TBCK: variants seen among roughly 807,000 people sequenced by gnomAD.
TBCK encodes the protein TBC domain-containing protein kinase-like protein.
In TBCK, 99 loss-of-function variants were observed where a neutral mutation model predicts 113.4. The observed-to-expected ratio is 0.87, with a 90% CI of 0.74 to 1.03. The LOEUF (loss-of-function observed/expected upper bound fraction) is 1.03, where lower values mean the gene tolerates loss of function less well. Ranked by LOEUF, TBCK falls within the 50% of genes least tolerant of loss-of-function variation. The probability of loss-of-function intolerance (pLI) is 0.00; values close to 1 mark genes in which losing one functional copy is unlikely to be tolerated. For missense variants in TBCK, 1,045 were observed against 1,061.3 expected, an observed-to-expected ratio of 0.98 and a Z score of 0.21; for synonymous variants, 369 against 370.8, an observed-to-expected ratio of 1.00 and a Z score of 0.05.
intron 3 of TBCK, among the ~76,000 whole-genome samples, chr4:106,282,572 T>C (rs959016780): frequency 6.6e-6 from 1 of 152,294 alleles, no homozygotes; most frequent in East Asian, 1.9e-4. Flanking sequence ...GCTTTGGCTG[T>C]ATTCCACAGG....
At chr4:106,279,190 T>C (rs1370067811) in intron 3 of TBCK, among the ~76,000 whole-genome samples, 2 of 152,306 alleles carry the variant, frequency 1.3e-5, no homozygotes, top group East Asian at 3.9e-4. Flanking sequence ...CTGAGTCAAT[T>C]TACTGAAGTT....
At chr4:106,215,131 G>A (rs528866278) in intron 19 of TBCK, among the ~76,000 whole-genome samples, 1 of 151,480 alleles carries the variant, frequency 6.6e-6, no homozygotes, top group South Asian at 2.1e-4. Context: ...CATAAGTGAA[G>A]GAGAAATAAA....
At chr4:106,214,636 G>A (rs578140600) in intron 19 of TBCK, among the ~76,000 whole-genome samples, 4,400 of 152,212 alleles carry the variant, frequency 0.029, 100 homozygotes, top group Admixed American at 0.044. Context: ...TGAAATGAAT[G>A]AAATGAAGTG....
chr4:106,288,191 C>T lies in TBCK; in HGVS notation c.266+6903G>A, dbSNP rs112102713. On this transcript the variant is annotated intron_variant, in intron 3 of 25. Coordinates refer to ENST00000394708, the MANE Select transcript of TBCK (RefSeq NM_001163435.3). ...GGCAGACTGCCTGAGCTCAGGAGTT[C>T]GCGACCAGCCTGGGCAACACGGTGC... is the stretch of plus-strand genomic sequence containing the variant. Among the ~76,000 whole-genome samples the T allele has an allele frequency of 6.6e-5, 10 of 151,414 alleles. 1 individual carries two copies. The highest frequency in any genetic ancestry group is 1.5e-4 in the African/African-American group (6 of 41,262).
intron 6 of TBCK, among the ~76,000 whole-genome samples, 165 bp downstream of exon 6, chr4:106,251,701 A>G (rs989545010): frequency 3.9e-5 from 6 of 152,026 alleles, no homozygotes; most frequent in Non-Finnish European, 8.8e-5. Flanking sequence ...GATGCCAAAA[A>G]ATATGTGAAA....
rs557704449 is a variant in TBCK, at chr4:106,076,510, G to T, written c.2571+18972C>A. On this transcript the variant is annotated intron_variant, in intron 25 of 25. Coordinates refer to ENST00000394708, the MANE Select transcript of TBCK (RefSeq NM_001163435.3). The stretch of plus-strand genomic sequence containing the variant: ...AGGTTGTCATGTAAATTCAAGAAAT[G>T]CAGAGAACCCTTGTGAGATACTATG... Among the ~76,000 whole-genome samples, 286 of 152,226 alleles carry T rather than the reference G, an allele frequency of 1.9e-3. 1 individual carries two copies. Among genetic ancestry groups the T allele is most frequent in the South Asian group, 7.1e-3 (34 of 4,808 alleles).
chr4:106,304,517 C>T (rs1767295112), intron 2 of TBCK, among the ~76,000 whole-genome samples: 1 of 152,172 alleles, frequency 6.6e-6, no homozygotes. Context: ...TAAGCTGCCT[C>T]ATTATAAAAA....
chr4:106,240,998 T>C (rs140305195), intron 12 of TBCK, among the ~76,000 whole-genome samples: 45 of 152,156 alleles, frequency 3.0e-4, no homozygotes, highest in African/African-American at 1.1e-3. Context: ...CTATACATAA[T>C]AGGTCAATGA....
intron 24 of TBCK, among the ~76,000 whole-genome samples, chr4:106,114,481 T>C (rs1373976106): frequency 6.6e-6 from 1 of 152,176 alleles, no homozygotes. Flanking sequence ...GCCTTTGTCA[T>C]TAAATCTGTA....
Position 106,193,618 on chromosome 4 carries a change from C to T in TBCK, c.2050G>A (p.Asp684Asn), listed in dbSNP as rs376331336. Reference sequence around the variant, plus strand: ...TTATTTAGATCTATACCTGGTAAATCGGAGAAGAGAAGAATACACTCATTA... The same window carrying T: ...TTATTTAGATCTATACCTGGTAAATTGGAGAAGAGAAGAATACACTCATTA... ...GFNECILLFSDLPEIDIERCV... is the reference protein window; with the variant it reads ...GFNECILLFSNLPEIDIERCV... Residue 684 changes from aspartate to asparagine, a missense_variant, in exon 22 of 26, where the codon GAT (aspartate) becomes AAT (asparagine). Transcript: ENST00000394708. 13 of 1,612,870 alleles carry T rather than the reference C, an allele frequency of 8.1e-6. No homozygotes were observed. The highest frequency in any genetic ancestry group is 1.1e-5 in the South Asian group (1 of 91,008).
intron 23 of TBCK, among the ~76,000 whole-genome samples, chr4:106,131,157 C>A (rs1745869446): frequency 6.6e-6 from 1 of 152,192 alleles, no homozygotes; most frequent in African/African-American, 2.4e-5. Context: ...AGTTCCCCTG[C>A]ACAAGCTCTT....
chr4:106,093,483 G>A (rs1740549929), intron 25 of TBCK, among the ~76,000 whole-genome samples: 1 of 152,164 alleles, frequency 6.6e-6, no homozygotes, highest in Non-Finnish European at 1.5e-5. Context: ...CTCCAGCCTG[G>A]GCGAAAGGGC....
intron 25 of TBCK, among the ~76,000 whole-genome samples, chr4:106,052,793 T>C (rs1734952391): frequency 6.6e-6 from 1 of 151,658 alleles, no homozygotes; most frequent in African/African-American, 2.4e-5. Context: ...AAGAAAGGTA[T>C]AACGAGCTGC....
At chr4:106,125,246 A>G (rs1745043989) in intron 23 of TBCK, among the ~76,000 whole-genome samples, 1 of 152,188 alleles carries the variant, frequency 6.6e-6, no homozygotes, top group African/African-American at 2.4e-5. Flanking sequence ...AAGAAAGGAA[A>G]TGAGGATATC....
intron 3 of TBCK, among the ~76,000 whole-genome samples, chr4:106,271,400 T>A (rs749381520): frequency 6.6e-6 from 1 of 152,146 alleles, no homozygotes; most frequent in Non-Finnish European, 1.5e-5. Flanking sequence ...TTGTGCAATA[T>A]CTGCAATCAC....
At chr4:106,246,658 C>G (rs1346407239) in intron 10 of TBCK, among the ~76,000 whole-genome samples, 1 of 152,092 alleles carries the variant, frequency 6.6e-6, no homozygotes, top group Non-Finnish European at 1.5e-5. Context: ...CTTAAAGATT[C>G]AGAACTAATC....
At chr4:106,086,728 T>A (rs1739556795) in intron 25 of TBCK, among the ~76,000 whole-genome samples, 1 of 152,304 alleles carries the variant, frequency 6.6e-6, no homozygotes, top group East Asian at 1.9e-4. Flanking sequence ...AAAAAACTTA[T>A]CCATCACGAT....
At chr4:106,311,773 A>C (rs936259604) in intron 1 of TBCK, among the ~76,000 whole-genome samples, 2 of 152,170 alleles carry the variant, frequency 1.3e-5, no homozygotes. Context: ...TTTCATAATT[A>C]AAAGAATTTA....
chr4:106,222,650 T>C (rs1757832952), intron 19 of TBCK, among the ~76,000 whole-genome samples: 1 of 152,158 alleles, frequency 6.6e-6, no homozygotes, highest in South Asian at 2.1e-4. Context: ...ATGAAGATGA[T>C]AAATATAGAT....
Sources: gnomAD v4.1 joint callset for allele counts (sites outside exome capture counted in the v4.1 genomes callset) on GRCh38, gnomAD v4.1.1 for gene constraint, MANE v1.5 for transcripts, NCBI Gene and HGNC (gene_info 2026-07-23, HGNC 2026-07-21) for gene names.